The following CACNA2D3 variants were observed in gnomAD, a reference collection of about 807,000 sequenced individuals.
CACNA2D3 encodes the protein voltage-dependent calcium channel subunit alpha-2/delta-3.
Under a neutral mutation model 160.6 loss-of-function variants are expected in CACNA2D3, and 60 were observed. That is an observed-to-expected ratio of 0.37 (90% CI 0.30 to 0.46). The LOEUF (loss-of-function observed/expected upper bound fraction) is 0.46, where lower values mean the gene tolerates loss of function less well. Among genes scored for constraint, CACNA2D3 ranks in the 20% least tolerant of loss-of-function variants. The pLI, the probability that CACNA2D3 is intolerant of heterozygous loss-of-function variation, is 1.00. For synonymous variants in CACNA2D3, 558 were observed against 492.9 expected (o/e 1.13, Z -1.75); for missense variants, 1,205 against 1,365.0 (o/e 0.88, Z 1.85).
intron 4 of CACNA2D3, among the ~76,000 whole-genome samples, chr3:54,466,797 T>C (rs1017057705): frequency 6.6e-6 from 1 of 152,180 alleles, no homozygotes; most frequent in Non-Finnish European, 1.5e-5. Flanking sequence ...GCTAGAAAAG[T>C]GGGTGTCCTT....
At chr3:54,334,372 G>C (rs1162085942) in intron 3 of CACNA2D3, among the ~76,000 whole-genome samples, 1 of 152,110 alleles carries the variant, frequency 6.6e-6, no homozygotes, top group Non-Finnish European at 1.5e-5. Flanking sequence ...AGGCTATTTT[G>C]TATGCAGACT....
At chr3:54,548,488 A>G (rs536343022) in intron 5 of CACNA2D3, among the ~76,000 whole-genome samples, 10 of 152,334 alleles carry the variant, frequency 6.6e-5, no homozygotes, top group Admixed American at 4.6e-4. Flanking sequence ...TTTGAAGCTC[A>G]GACCTCTAGC....
At chr3:54,151,918 C>T (rs1376862670) in intron 2 of CACNA2D3, among the ~76,000 whole-genome samples, 2 of 152,214 alleles carry the variant, frequency 1.3e-5, no homozygotes, top group Non-Finnish European at 2.9e-5. Flanking sequence ...CATACTGTTC[C>T]CTGCTAAATC....
At chr3:55,060,545 G>A (rs1219243164) in intron 35 of CACNA2D3, among the ~76,000 whole-genome samples, 3 of 152,178 alleles carry the variant, frequency 2.0e-5, no homozygotes, top group Non-Finnish European at 2.9e-5. Context: ...TGGAGAAAAT[G>A]ATATTTCTTT....
Position 54,347,815 on chromosome 3 carries a change from C to T in CACNA2D3, c.321+27257C>T, listed in dbSNP as rs560787569. Among the ~76,000 whole-genome samples, 6 of 152,232 alleles carry T rather than the reference C, an allele frequency of 3.9e-5. 1 individual carries two copies. The highest frequency in any genetic ancestry group is 1.4e-4 in the African/African-American group (6 of 41,542). On this transcript the variant is annotated intron_variant, in intron 3 of 37. Transcript: ENST00000474759. Reference sequence around the variant, plus strand: ...CTTCCTTGCCTGAGACCCACCGTGCCTGTATAAATGACCTCAATTTCCTTC... The same window carrying T: ...CTTCCTTGCCTGAGACCCACCGTGCTTGTATAAATGACCTCAATTTCCTTC...
intron 4 of CACNA2D3, among the ~76,000 whole-genome samples, chr3:54,490,262 C>T (rs1701087106): frequency 6.6e-6 from 1 of 152,140 alleles, no homozygotes; most frequent in African/African-American, 2.4e-5. Flanking sequence ...AGGAGGTGGG[C>T]GGCACCAATC....
intron 11 of CACNA2D3, among the ~76,000 whole-genome samples, chr3:54,687,148 TTTG>T (rs1477582942): frequency 3.3e-4 from 42 of 126,750 alleles, no homozygotes; most frequent in Non-Finnish European, 5.3e-4. Flanking sequence ...TTTTTTTTTT[TTTG>T]TTTTTTTGAC....
chr3:54,433,210 G>A (rs1700014344), intron 4 of CACNA2D3, among the ~76,000 whole-genome samples: 1 of 152,170 alleles, frequency 6.6e-6, no homozygotes, highest in Non-Finnish European at 1.5e-5. Flanking sequence ...TATGACTGGA[G>A]GGGGATTTAT....
intron 17 of CACNA2D3, among the ~76,000 whole-genome samples, chr3:54,871,182 G>A (rs1699518633): frequency 7.8e-6 from 1 of 127,712 alleles, no homozygotes; most frequent in African/African-American, 3.4e-5. Flanking sequence ...TATAGGTGGA[G>A]ACACACACAC....
chr3:54,956,843 A>G (rs754113894), intron 27 of CACNA2D3, among the ~76,000 whole-genome samples: 4 of 151,862 alleles, frequency 2.6e-5, no homozygotes, highest in Non-Finnish European at 5.9e-5. Flanking sequence ...TTTGCATTTT[A>G]TCTGACAGAA....
chr3:54,873,559 C>T (rs954799109), intron 18 of CACNA2D3, among the ~76,000 whole-genome samples: 1 of 152,122 alleles, frequency 6.6e-6, no homozygotes, highest in African/African-American at 2.4e-5. Flanking sequence ...CTTTGTATCT[C>T]CTCATCCTAC....
intron 2 of CACNA2D3, among the ~76,000 whole-genome samples, chr3:54,131,157 A>G (rs1699698930): frequency 6.6e-6 from 1 of 152,198 alleles, no homozygotes; most frequent in Admixed American, 6.5e-5. Context: ...CTGGCTGCAT[A>G]CATACATGTG....
chr3:54,677,620 T>TG (rs5849051), intron 11 of CACNA2D3, among the ~76,000 whole-genome samples: 8,267 of 143,084 alleles, frequency 0.058, 661 homozygotes, highest in African/African-American at 0.2. Flanking sequence ...GTTTTTTTTT[T>TG]GGGGGGGGGG....
chr3:54,252,133 C>G (rs191915823), intron 2 of CACNA2D3, among the ~76,000 whole-genome samples: 57 of 117,314 alleles, frequency 4.9e-4, no homozygotes, highest in Non-Finnish European at 8.3e-4. Context: ...CTCTCCGTCT[C>G]TCCCATTCCC....
At chr3:54,212,220 C>T (rs999536383) in intron 2 of CACNA2D3, among the ~76,000 whole-genome samples, 4 of 152,152 alleles carry the variant, frequency 2.6e-5, no homozygotes, top group Non-Finnish European at 4.4e-5. Context: ...CCAAGGTGGT[C>T]GGGGTACAGC....
chr3:54,506,335 C>T (rs1276024348), intron 5 of CACNA2D3, among the ~76,000 whole-genome samples: 1 of 152,126 alleles, frequency 6.6e-6, no homozygotes, highest in Non-Finnish European at 1.5e-5. Context: ...CGAAGAAAAC[C>T]AATACAAGGT....
At chr3:54,284,067 A>C (rs930135962) in intron 2 of CACNA2D3, among the ~76,000 whole-genome samples, 1 of 152,172 alleles carries the variant, frequency 6.6e-6, no homozygotes, top group Non-Finnish European at 1.5e-5. Context: ...ATCTCAAAAA[A>C]CAAAAAACAA....
intron 2 of CACNA2D3, among the ~76,000 whole-genome samples, chr3:54,145,900 T>A (rs1045115382): frequency 3.9e-5 from 6 of 152,250 alleles, no homozygotes; most frequent in African/African-American, 1.4e-4. Context: ...TCATATTTTC[T>A]CTTTATCTTT....
chr3:54,472,426 C>G (rs944680569), intron 4 of CACNA2D3, among the ~76,000 whole-genome samples: 1 of 152,122 alleles, frequency 6.6e-6, no homozygotes, highest in Admixed American at 6.5e-5. Flanking sequence ...TATGACAAAC[C>G]ACAGCCAATA....
Sources: gnomAD v4.1 joint callset for allele counts (sites outside exome capture counted in the v4.1 genomes callset) on GRCh38, gnomAD v4.1.1 for gene constraint, MANE v1.5 for transcripts, NCBI Gene and HGNC (gene_info 2026-07-23, HGNC 2026-07-21) for gene names.